The following EFHD1 variants were observed in gnomAD, a reference collection of about 807,000 sequenced individuals.
EFHD1 encodes EF-hand domain-containing protein D1.
In EFHD1, 10 loss-of-function variants were observed where a neutral mutation model predicts 17.2. That is an observed-to-expected ratio of 0.58 (90% confidence interval 0.36 to 0.99). The LOEUF (loss-of-function observed/expected upper bound fraction) is 0.99. Among genes scored for constraint, EFHD1 ranks in the 50% least tolerant of loss-of-function variants. EFHD1 has a pLI of 0.01. For synonymous variants in EFHD1, 153 were observed against 142.0 expected (o/e 1.08, Z -0.55); for missense variants, 310 against 327.5 (o/e 0.95, Z 0.41).
chr2:232,630,936 C>T (rs1694189907), upstream of EFHD1, among the ~76,000 whole-genome samples: 1 of 151,970 alleles, frequency 6.6e-6, no homozygotes, highest in Admixed American at 6.6e-5. Context: ...TTTAAAAATT[C>T]TATTACTGGC....
rs369491738 is a variant in EFHD1 at position 232,679,279 on chromosome 2, A to G, written c.586-2306A>G. On this transcript the variant is annotated intron_variant, in intron 3 of 3. Transcript: ENST00000264059. ...TTACATCAAAATTTTAAATATGTATATCGTCCCAAATGCCTTAAAGTTAAA... is the reference window on the plus strand; with the variant it reads ...TTACATCAAAATTTTAAATATGTATGTCGTCCCAAATGCCTTAAAGTTAAA... Among the ~76,000 whole-genome samples the G allele has an allele frequency of 9.8e-5, 15 of 152,350 alleles. No homozygotes were observed. In the South Asian group the frequency reaches 3.1e-3, roughly 32 times the overall value.
At chr2:232,665,985 C>A (rs1694960646) in intron 2 of EFHD1, among the ~76,000 whole-genome samples, 1 of 152,242 alleles carries the variant, frequency 6.6e-6, no homozygotes, top group South Asian at 2.1e-4. Context: ...CCACACCCAA[C>A]TAGCGCCCTG....
chr2:232,675,002 C>A (rs1559357260), intron 3 of EFHD1, among the ~76,000 whole-genome samples: 1 of 151,780 alleles, frequency 6.6e-6, no homozygotes, highest in Non-Finnish European at 1.5e-5. Flanking sequence ...CATGGTGAAA[C>A]CCATCTCCAC....
rs527914906 is a variant in EFHD1, at chr2:232,620,247, G to A, written c.14+14074G>A. Among the ~76,000 whole-genome samples, 16 of 151,892 alleles carry A rather than the reference G, an allele frequency of 1.1e-4. No homozygotes were observed. In the South Asian group the frequency reaches 3.3e-3, roughly 32 times the overall value. The stretch of plus-strand genomic sequence containing the variant: ...ACTAAAAATACAAAAAATTAGCCGG[G>A]CGCGGTGGCAGGCACCTGTAGTCCC... On this transcript the variant is annotated intron_variant, in intron 1 of 3. Transcript: ENST00000409613.
intron 1 of EFHD1, among the ~76,000 whole-genome samples, chr2:232,655,054 G>A (rs185374667): frequency 2.0e-5 from 3 of 152,260 alleles, no homozygotes; most frequent in Non-Finnish European, 2.9e-5. Flanking sequence ...AATGATTGGC[G>A]TGTCATATGC....
At chr2:232,664,362 G>T (rs965518492) in intron 2 of EFHD1, among the ~76,000 whole-genome samples, 1 of 151,416 alleles carries the variant, frequency 6.6e-6, no homozygotes, top group Non-Finnish European at 1.5e-5. Flanking sequence ...GCTGGTCTCC[G>T]ACTCAGCCTC....
At chr2:232,681,091 GA>G (rs2106222848) in intron 3 of EFHD1, among the ~76,000 whole-genome samples, 1 of 152,118 alleles carries the variant, frequency 6.6e-6, no homozygotes, top group East Asian at 1.9e-4. Context: ...GGGAGATGGA[GA>G]TTGCAGTGAG....
At chr2:232,671,682 G>A (rs1220242551) in intron 2 of EFHD1, among the ~76,000 whole-genome samples, 5 of 149,410 alleles carry the variant, frequency 3.3e-5, no homozygotes, top group East Asian at 2.0e-4. Context: ...AGCCGAGATC[G>A]CACCACTGCA....
chr2:232,666,068 G>A (rs914149554), intron 2 of EFHD1, among the ~76,000 whole-genome samples: 4 of 152,240 alleles, frequency 2.6e-5, no homozygotes, highest in African/African-American at 7.2e-5. Flanking sequence ...GTCTGCAGCA[G>A]AACTGGCAGC....
At chr2:232,644,345 T>C (rs1379117196) in intron 1 of EFHD1, among the ~76,000 whole-genome samples, 1 of 152,136 alleles carries the variant, frequency 6.6e-6, no homozygotes, top group East Asian at 1.9e-4. Flanking sequence ...GGGCTCCAGC[T>C]GCTATCTTTG....
upstream of EFHD1, among the ~76,000 whole-genome samples, chr2:232,633,005 G>A (rs1311955162): frequency 6.6e-6 from 1 of 152,258 alleles, no homozygotes; most frequent in Non-Finnish European, 1.5e-5. Flanking sequence ...GAAAACGGGA[G>A]TTTTTTCTGC....
At position 232,662,896 on chromosome 2, in the gene EFHD1, A is replaced by G. The variant is rs199634989; in HGVS notation, c.397A>G (p.Ser133Gly). The change falls in exon 2 of 4, where the codon AGC (serine) becomes GGC (glycine). Residue 133 changes from serine to glycine, a missense_variant. Transcript: ENST00000264059. The part of the protein sequence containing the change: ...GAPQTHLGLK[S>G]MIKEVDEDFD... Reference sequence around the variant, plus strand: ...CCCCCAGACCCACCTGGGCCTGAAGAGCATGATCAAGGAGGTGGATGAGGA... The same window carrying G: ...CCCCCAGACCCACCTGGGCCTGAAGGGCATGATCAAGGAGGTGGATGAGGA... The G allele has an allele frequency of 1.9e-6, 3 of 1,595,258 alleles. No individual in the cohort carries two copies. In the African/African-American group the frequency reaches 4.1e-5, roughly 22 times the overall value.
intron 1 of EFHD1, among the ~76,000 whole-genome samples, chr2:232,634,626 G>A (rs1022380008): frequency 6.6e-6 from 1 of 152,266 alleles, no homozygotes; most frequent in South Asian, 2.1e-4. Context: ...GCACCGGTCC[G>A]GCGGGGGCTC....
At chr2:232,674,041 T>C (rs1191902642) in intron 3 of EFHD1, among the ~76,000 whole-genome samples, 1 of 151,984 alleles carries the variant, frequency 6.6e-6, no homozygotes, top group Non-Finnish European at 1.5e-5. Context: ...CCTGAGTAGC[T>C]GGGCCTACAG....
chr2:232,634,587 G>A (rs1160662455), intron 1 of EFHD1, among the ~76,000 whole-genome samples: 1 of 152,180 alleles, frequency 6.6e-6, no homozygotes, highest in Non-Finnish European at 1.5e-5. Context: ...GGGAGGGGGG[G>A]CGGTTGTGGG....
chr2:232,642,762 G>A (rs892135284), intron 1 of EFHD1, among the ~76,000 whole-genome samples: 5 of 152,100 alleles, frequency 3.3e-5, no homozygotes, highest in African/African-American at 7.2e-5. Flanking sequence ...AGCTGTTCCC[G>A]AGGGTCACCT....
intron 3 of EFHD1, among the ~76,000 whole-genome samples, chr2:232,672,838 A>G (rs906346666): frequency 6.6e-6 from 1 of 152,170 alleles, no homozygotes; most frequent in African/African-American, 2.4e-5. Flanking sequence ...GCCCAGAGAC[A>G]GAGTGCCTTG....
At chr2:232,635,428 G>A (rs1415394086) in intron 1 of EFHD1, among the ~76,000 whole-genome samples, 1 of 152,166 alleles carries the variant, frequency 6.6e-6, no homozygotes, top group Non-Finnish European at 1.5e-5. Flanking sequence ...ACTTGTAGTT[G>A]ACTACCTAAG....
intron 1 of EFHD1, among the ~76,000 whole-genome samples, chr2:232,608,828 G>A (rs930425575): frequency 1.4e-4 from 21 of 151,910 alleles, no homozygotes; most frequent in Non-Finnish European, 2.6e-4. Flanking sequence ...TACTCAGGAG[G>A]CTGAGGCAAG....
Sources: gnomAD v4.1 joint callset for allele counts (sites outside exome capture counted in the v4.1 genomes callset) on GRCh38, gnomAD v4.1.1 for gene constraint, MANE v1.5 for transcripts, NCBI Gene and HGNC (gene_info 2026-07-23, HGNC 2026-07-21) for gene names.